The following GRK5 variants were observed in gnomAD, a reference collection of about 807,000 sequenced individuals.
GRK5 encodes G protein-coupled receptor kinase 5.
In GRK5, 40 loss-of-function variants were observed where a neutral mutation model predicts 78.4. The observed-to-expected ratio is 0.51, with a 90% CI of 0.40 to 0.66. The LOEUF (loss-of-function observed/expected upper bound fraction) is 0.66, where lower values mean the gene tolerates loss of function less well. Among genes scored for constraint, GRK5 ranks in the 30% least tolerant of loss-of-function variants. The probability of loss-of-function intolerance (pLI) is 0.00; values close to 1 mark genes in which losing one functional copy is unlikely to be tolerated. For synonymous variants in GRK5, 289 were observed against 296.8 expected (o/e 0.97, Z 0.27); for missense variants, 598 against 759.9 (o/e 0.79, Z 2.50).
intron 1 of GRK5, among the ~76,000 whole-genome samples, chr10:119,224,185 A>G (rs1022169493): frequency 1.3e-5 from 2 of 152,042 alleles, no homozygotes; most frequent in African/African-American, 4.8e-5. Flanking sequence ...ACAAACAAAC[A>G]AACAAACATA....
At chr10:119,453,905 G>T (rs1244451957) in intron 15 of GRK5, among the ~76,000 whole-genome samples, 1 of 152,170 alleles carries the variant, frequency 6.6e-6, no homozygotes, top group South Asian at 2.1e-4. Context: ...CTGGCCCTGG[G>T]TAAGGGTTGG....
At chr10:119,245,746 G>A (rs1849096877) in intron 1 of GRK5, among the ~76,000 whole-genome samples, 1 of 152,036 alleles carries the variant, frequency 6.6e-6, no homozygotes, top group Non-Finnish European at 1.5e-5. Context: ...GGCCGGGCGC[G>A]GTGGCTCACG....
At chr10:119,260,901 G>C (rs532902345) in intron 1 of GRK5, among the ~76,000 whole-genome samples, 1 of 151,526 alleles carries the variant, frequency 6.6e-6, no homozygotes, top group African/African-American at 2.4e-5. Flanking sequence ...ATCATGGCCC[G>C]TTCTCAATGA....
chr10:119,347,883 A>G (rs1274942371), intron 2 of GRK5, among the ~76,000 whole-genome samples: 1 of 152,212 alleles, frequency 6.6e-6, no homozygotes, highest in African/African-American at 2.4e-5. Context: ...CTCACCTGCC[A>G]TGGTTGCAGT....
intron 1 of GRK5, among the ~76,000 whole-genome samples, chr10:119,306,210 A>G (rs1374456801): frequency 1.3e-5 from 2 of 152,134 alleles, no homozygotes; most frequent in Non-Finnish European, 2.9e-5. Context: ...ACCCGTGGTG[A>G]TTCTTGTCGC....
intron 6 of GRK5, among the ~76,000 whole-genome samples, chr10:119,427,568 A>G (rs796670733): frequency 6.6e-6 from 1 of 150,456 alleles, no homozygotes; most frequent in South Asian, 2.2e-4. Context: ...CACCGCCATC[A>G]TCAGCATCAC....
At chr10:119,366,537 T>C (rs939305812) in intron 2 of GRK5, among the ~76,000 whole-genome samples, 1 of 152,116 alleles carries the variant, frequency 6.6e-6, no homozygotes, top group African/African-American at 2.4e-5. Context: ...CTTTTCTTTT[T>C]GGGAAGAGCA....
chr10:119,242,180 G>A (rs888597481), intron 1 of GRK5, among the ~76,000 whole-genome samples: 7 of 151,958 alleles, frequency 4.6e-5, no homozygotes, highest in Admixed American at 1.3e-4. Context: ...GTATATTTTC[G>A]GGTGGCATAT....
At chr10:119,353,116 A>AAG (rs1233820984) in intron 2 of GRK5, among the ~76,000 whole-genome samples, 1 of 152,178 alleles carries the variant, frequency 6.6e-6, no homozygotes, top group Non-Finnish European at 1.5e-5. Flanking sequence ...TGTTCATGTG[A>AAG]AGAAGCCCTC....
intron 4 of GRK5, among the ~76,000 whole-genome samples, chr10:119,409,672 G>T (rs191318644): frequency 6.6e-6 from 1 of 152,090 alleles, no homozygotes; most frequent in Non-Finnish European, 1.5e-5. Context: ...TGAGGGGCAG[G>T]TTCTCTTGAA....
intron 12 of GRK5, among the ~76,000 whole-genome samples, chr10:119,444,999 CT>C (rs1023170360): frequency 9.9e-5 from 15 of 152,220 alleles, no homozygotes; most frequent in African/African-American, 3.4e-4. Context: ...AGCCAGACAC[CT>C]CTGCTTGGCC....
At chr10:119,292,329 C>T (rs1481320663) in intron 1 of GRK5, among the ~76,000 whole-genome samples, 1 of 150,368 alleles carries the variant, frequency 6.7e-6, no homozygotes, top group Non-Finnish European at 1.5e-5. Context: ...ATTCCTCCTT[C>T]TCCTCCTCAT....
rs551976296 is a variant in GRK5, at chr10:119,433,679, G to A, written c.738+2152G>A. On this transcript the variant is annotated intron_variant, in intron 8 of 15. Coordinates refer to ENST00000392870, the MANE Select transcript of GRK5 (RefSeq NM_005308.3). ...AGTTTTACGGCACAGCCAGTTCCCA[G>A]CCTGGCCCACGATGGCCGGGTTTCA... Among the ~76,000 whole-genome samples the A allele has an allele frequency of 3.2e-4, 48 of 152,308 alleles. 1 individual carries two copies. The highest frequency in any genetic ancestry group is 1.2e-3 in the African/African-American group (48 of 41,572).
intron 13 of GRK5, among the ~76,000 whole-genome samples, chr10:119,449,389 G>T (rs1853227883): frequency 6.6e-6 from 1 of 152,224 alleles, no homozygotes; most frequent in Admixed American, 6.5e-5. Context: ...TTGGGAAGCT[G>T]CTAGGTGCGG....
chr10:119,321,092 G>A (rs907208826), intron 1 of GRK5, among the ~76,000 whole-genome samples: 4 of 152,230 alleles, frequency 2.6e-5, no homozygotes, highest in African/African-American at 9.6e-5. Flanking sequence ...TTGTCTAGAC[G>A]TGGTGCCTTC....
intron 1 of GRK5, among the ~76,000 whole-genome samples, chr10:119,208,959 A>C (rs962699957): frequency 4.0e-5 from 6 of 151,714 alleles, no homozygotes; most frequent in Non-Finnish European, 8.8e-5. Context: ...GACCTTTTTC[A>C]TAAAAGGGGA....
chr10:119,258,826 T>C (rs1425082851), intron 1 of GRK5, among the ~76,000 whole-genome samples: 1 of 152,142 alleles, frequency 6.6e-6, no homozygotes, highest in Admixed American at 6.5e-5. Context: ...GCAGGAAGCC[T>C]AGTTTCTAGA....
chr10:119,260,372 C>CT (rs56407821), intron 1 of GRK5, among the ~76,000 whole-genome samples: 35,382 of 101,222 alleles, frequency 0.35, 6,360 homozygotes, highest in Middle Eastern at 0.4. Flanking sequence ...TAACCGTCTG[C>CT]TTTTTTTTTT....
In GRK5 at chr10:119,453,225, C is replaced by T. The variant is rs778255109; in HGVS notation, c.1623C>T (p.His541=). 1.2e-6 allele frequency: 2 copies of T among 1,613,962 alleles called. No individual in the cohort carries two copies. Among genetic ancestry groups the T allele is most frequent in the South Asian group, 2.2e-5 (2 of 91,080 alleles). ...GTLPPDLNRN[H]PPEPPKKGLL... Reference sequence around the variant, plus strand: ...TCCCGCCAGATCTGAACAGAAACCACCCTCCGGAACCGCCCAAGAAAGGGC... The same window carrying T: ...TCCCGCCAGATCTGAACAGAAACCATCCTCCGGAACCGCCCAAGAAAGGGC... Residue 541 remains histidine (H), a synonymous_variant, in exon 15 of 16, where the codon CAC becomes CAT. Coordinates refer to ENST00000392870, the MANE Select transcript of GRK5 (RefSeq NM_005308.3).
Sources: gnomAD v4.1 joint callset for allele counts (sites outside exome capture counted in the v4.1 genomes callset) on GRCh38, gnomAD v4.1.1 for gene constraint, MANE v1.5 for transcripts, NCBI Gene and HGNC (gene_info 2026-07-23, HGNC 2026-07-21) for gene names.